ARSB: variants seen among roughly 807,000 people sequenced by gnomAD.
ARSB encodes the protein arylsulfatase B, also known as N-acetylgalactosamine-4-sulfatase.
In ARSB, 41 loss-of-function variants were observed where a neutral mutation model predicts 50.9. That is an observed-to-expected ratio of 0.81 (90% CI 0.63 to 1.04). The LOEUF (loss-of-function observed/expected upper bound fraction) is 1.04, where lower values mean the gene tolerates loss of function less well. Among genes scored for constraint, ARSB ranks in the 50% least tolerant of loss-of-function variants. The pLI, the probability that ARSB is intolerant of heterozygous loss-of-function variation, is 0.00. For synonymous variants in ARSB, 269 were observed against 284.8 expected (o/e 0.94, Z 0.56); for missense variants, 672 against 693.3 (o/e 0.97, Z 0.35).
At chr5:78,918,568 CAT>C (rs1554082392) in intron 4 of ARSB, among the ~76,000 whole-genome samples, 24 of 152,148 alleles carry the variant, frequency 1.6e-4, no homozygotes, top group African/African-American at 3.9e-4. Context: ...CACACACACA[CAT>C]GCATGCACAA....
Position 78,780,492 on chromosome 5 carries a change from G to A in ARSB, c.1507C>T (p.Gln503Ter), listed in dbSNP as rs771113472. The A allele has an allele frequency of 6.2e-7, 1 of 1,614,192 alleles. No individual in the cohort carries two copies. Among genetic ancestry groups the A allele is most frequent in the Non-Finnish European group, 8.5e-7 (1 of 1,180,026 alleles). ...HIVTKLLSRLQFYHKHSVPVY... is the reference protein window; with the variant it reads ...HIVTKLLSRL ...GGGACTGAGTGTTTATGGTAGAACT[G>A]TAGGCGGGACAGGAGCTTTGTGACG... The change falls in exon 8 of 8, where the codon CAG (glutamine) becomes TAG (stop). Residue 503 changes from glutamine to a stop codon, truncating the protein, a stop_gained. Coordinates refer to ENST00000264914, the MANE Select transcript of ARSB (RefSeq NM_000046.5). LOFTEE classifies it high-confidence loss of function.
intron 4 of ARSB, among the ~76,000 whole-genome samples, chr5:78,938,304 T>C (rs1750730924): frequency 6.6e-6 from 1 of 152,246 alleles, no homozygotes; most frequent in Non-Finnish European, 1.5e-5. Flanking sequence ...CTATTACTAA[T>C]AAAATTTTAA....
intron 4 of ARSB, among the ~76,000 whole-genome samples, chr5:78,901,406 T>A (rs1204033757): frequency 6.6e-6 from 1 of 152,176 alleles, no homozygotes; most frequent in Non-Finnish European, 1.5e-5. Flanking sequence ...GTTAGAAGAA[T>A]TATACTATCC....
chr5:78,814,062 T>A (rs1020213456), intron 6 of ARSB, among the ~76,000 whole-genome samples: 1 of 139,180 alleles, frequency 7.2e-6, no homozygotes, highest in African/African-American at 2.8e-5. Context: ...ACAAAGGTTC[T>A]GTATTGCAAA....
intron 6 of ARSB, among the ~76,000 whole-genome samples, chr5:78,834,459 C>G (rs1253773880): frequency 6.6e-6 from 1 of 151,694 alleles, no homozygotes; most frequent in Non-Finnish European, 1.5e-5. Context: ...AATCTGACCA[C>G]TTTAGGTACC....
At position 78,796,963 on chromosome 5, in the gene ARSB, C is replaced by T. The variant is rs1269142276; in HGVS notation, c.1214-14989G>A. 1.3e-4 allele frequency among the ~76,000 whole-genome samples: 18 copies of T among 143,902 alleles called. No individual in the cohort carries two copies. The East Asian group carries it at 2.7e-3, about 22-fold the overall frequency. The allele number at this position is 143,902 out of a possible 152,430, so 94.4% of individuals were successfully genotyped here. ...CGGGATCTCGGCTCACTGCAAGCTC[C>T]GCCTCCCGGGTTCACGCCATTCTCC... On this transcript the variant is annotated intron_variant, in intron 6 of 7. Coordinates refer to ENST00000264914, the MANE Select transcript of ARSB (RefSeq NM_000046.5).
intron 5 of ARSB, among the ~76,000 whole-genome samples, chr5:78,866,828 A>C (rs1403489740): frequency 2.0e-5 from 3 of 152,226 alleles, no homozygotes; most frequent in Non-Finnish European, 4.4e-5. Flanking sequence ...AGATGGCCGA[A>C]TAGGGACAGT....
At position 78,780,276 on chromosome 5, in the gene ARSB, G is replaced by A; in HGVS notation, c.*121C>T. 7.4e-7 allele frequency: 1 copy of A among 1,352,942 alleles called. No homozygotes were observed. Among genetic ancestry groups the A allele is most frequent in the African/African-American group, 1.4e-5 (1 of 69,512 alleles). The allele number at this position is 1,352,942 out of a possible 1,614,324, so 83.8% of individuals were successfully genotyped here. Reference sequence around the variant, plus strand: ...GGGTTGAAATTAGACACCTCGGTGTGGTTTAAGAGCAAGAGAAGGGCCAAG... The same window carrying A: ...GGGTTGAAATTAGACACCTCGGTGTAGTTTAAGAGCAAGAGAAGGGCCAAG... On this transcript the variant is annotated 3_prime_UTR_variant, in exon 8 of 8. Transcript: ENST00000264914.
At chr5:78,951,516 A>G (rs1278622522) in intron 4 of ARSB, among the ~76,000 whole-genome samples, 3 of 152,216 alleles carry the variant, frequency 2.0e-5, no homozygotes, top group Admixed American at 2.0e-4. Flanking sequence ...AGGACAAAAA[A>G]AATGAAAAGG....
chr5:78,985,071 C>A lies in ARSB; in HGVS notation c.178G>T (p.Val60Phe). ...LLADDLGWND[V>F]GFHGSRIRTP... ...CGGATGCGGGAGCCGTGGAAGCCGACGTCGTTCCAGCCTAGGTCGTCTGCC... is the reference window on the plus strand; with the variant it reads ...CGGATGCGGGAGCCGTGGAAGCCGAAGTCGTTCCAGCCTAGGTCGTCTGCC... Residue 60 changes from valine (V) to phenylalanine (F), a missense_variant, in exon 1 of 8, where the codon GTC becomes TTC. Val to Phe is a conservative substitution (Grantham distance 50). Coordinates refer to ENST00000264914, the MANE Select transcript of ARSB (RefSeq NM_000046.5). The A allele has an allele frequency of 6.5e-7, 1 of 1,543,724 alleles. No homozygotes were observed. Among genetic ancestry groups the A allele is most frequent in the Non-Finnish European group, 8.7e-7 (1 of 1,147,056 alleles).
rs988852680 is a variant in ARSB, at chr5:78,795,243, C to T, written c.1214-13269G>A. On this transcript the variant is annotated intron_variant, in intron 6 of 7. Transcript: ENST00000264914. ...CTATGCAGCTGCCCAGCAGAGGTGG[C>T]CAATGTCCACCTTGGTTCATCTTTG... 2.0e-5 allele frequency among the ~76,000 whole-genome samples: 3 copies of T among 152,204 alleles called. No individual in the cohort carries two copies. In the South Asian group the frequency reaches 6.2e-4, roughly 32 times the overall value.
chr5:78,847,537 T>C (rs993884331), intron 5 of ARSB, among the ~76,000 whole-genome samples: 3 of 152,248 alleles, frequency 2.0e-5, no homozygotes, highest in Non-Finnish European at 4.4e-5. Context: ...TTTCTTGTTG[T>C]ATCTCTGTCT....
chr5:78,845,114 T>C (rs1425769532), intron 5 of ARSB, among the ~76,000 whole-genome samples: 2 of 151,698 alleles, frequency 1.3e-5, no homozygotes, highest in Non-Finnish European at 2.9e-5. Flanking sequence ...TTAGCTTCCA[T>C]GTATGAGAAC....
At chr5:78,845,387 T>A (rs991519253) in intron 5 of ARSB, among the ~76,000 whole-genome samples, 2 of 152,134 alleles carry the variant, frequency 1.3e-5, no homozygotes, top group Admixed American at 1.3e-4. Context: ...CCTTTGCATA[T>A]ATACCCAGTA....
intron 4 of ARSB, among the ~76,000 whole-genome samples, chr5:78,894,969 C>T (rs568580872): frequency 1.6e-4 from 25 of 152,284 alleles, no homozygotes; most frequent in South Asian, 6.2e-4. Flanking sequence ...AGGCAAATGG[C>T]TAACAGGAGG....
intron 5 of ARSB, among the ~76,000 whole-genome samples, chr5:78,866,514 A>T (rs1746748727): frequency 6.6e-6 from 1 of 152,192 alleles, no homozygotes; most frequent in Non-Finnish European, 1.5e-5. Context: ...AACTCCAGAA[A>T]GAGAAGGTCA....
chr5:78,851,013 C>A (rs1745745816), intron 5 of ARSB, among the ~76,000 whole-genome samples: 1 of 152,256 alleles, frequency 6.6e-6, no homozygotes, highest in African/African-American at 2.4e-5. Context: ...AAAACCAGCT[C>A]CTGGATTCAT....
intron 4 of ARSB, among the ~76,000 whole-genome samples, chr5:78,942,221 T>G (rs1207506869): frequency 6.6e-6 from 1 of 152,202 alleles, no homozygotes; most frequent in African/African-American, 2.4e-5. Context: ...TGTTGATCTT[T>G]TCAAAAAACC....
rs550968569 is a variant in ARSB, at chr5:78,864,520, T to A, written c.1142+21064A>T. The stretch of plus-strand genomic sequence containing the variant: ...AGAATTATGGGAGTACAGTTCCAGA[T>A]GAGATCTGGTGGGGACACAGAGCCA... On this transcript the variant is annotated intron_variant, in intron 5 of 7. Coordinates refer to ENST00000264914, the MANE Select transcript of ARSB (RefSeq NM_000046.5). Among the ~76,000 whole-genome samples, 9 of 152,290 alleles carry A rather than the reference T, an allele frequency of 5.9e-5. 1 individual carries two copies. The highest frequency in any genetic ancestry group is 4.1e-4 in the South Asian group (2 of 4,822).
Sources: allele counts gnomAD v4.1 joint callset (sites outside exome capture counted in the v4.1 genomes callset), GRCh38; gene constraint gnomAD v4.1.1; transcripts MANE v1.5; gene names NCBI Gene and HGNC (gene_info 2026-07-23, HGNC 2026-07-21).